The following C6 variants were observed in gnomAD, a reference collection of about 807,000 sequenced individuals.
The protein encoded by C6 is complement component C6.
A neutral mutation model predicts 112.9 loss-of-function variants in C6; 101 were observed. That is an observed-to-expected ratio of 0.89 (90% CI 0.76 to 1.06). C6 has a LOEUF of 1.06. Among genes scored for constraint, C6 ranks in the 50% least tolerant of loss-of-function variants. The pLI, the probability that C6 is intolerant of heterozygous loss-of-function variation, is 0.00. For missense variants in C6, 1,202 were observed against 1,104.6 expected, an observed-to-expected ratio of 1.09 and a Z score of -1.25; for synonymous variants, 431 against 384.1, an observed-to-expected ratio of 1.12 and a Z score of -1.43.
chr5:41,256,961 G>A (rs994211049), intron 1 of C6, among the ~76,000 whole-genome samples: 3 of 152,064 alleles, frequency 2.0e-5, no homozygotes, highest in Admixed American at 6.5e-5. Context: ...TTTGGATGAG[G>A]CTTTCATCTT....
In C6 at chr5:41,161,644, G is replaced by A. The variant is rs1170568050; in HGVS notation, c.1458+49C>T. On this transcript the variant is annotated intron_variant, in intron 10 of 17. Transcript: ENST00000337836. ...AATTGTGTGATGTGCAATTTGGGCT[G>A]CTAGAGAACTACTTTAGATCTCTTA... The A allele has an allele frequency of 3.4e-6, 5 of 1,465,416 alleles. No individual in the cohort carries two copies. The Admixed American group carries it at 6.7e-5, about 20-fold the overall frequency. The allele number at this position is 1,465,416 out of a possible 1,614,324, so 90.8% of individuals were successfully genotyped here.
At position 41,220,046 on chromosome 5, in the gene C6, G is replaced by A. The variant is rs1168156756; in HGVS notation, c.-20-16796C>T. On this transcript the variant is annotated intron_variant, in intron 1 of 17. Coordinates refer to the C6 transcript ENST00000263413. ...TTTTTTAAAATAATCAAACTCTGAT[G>A]AATAGTTGTATTTTTTATTAATGAT... 2.0e-5 allele frequency among the ~76,000 whole-genome samples: 3 copies of A among 152,136 alleles called. No homozygotes were observed. In the East Asian group the frequency reaches 5.8e-4, roughly 29 times the overall value.
intron 7 of C6, among the ~76,000 whole-genome samples, chr5:41,178,466 CTTTTTTTTTTTT>C (rs70988836): frequency 9.8e-6 from 1 of 101,594 alleles, no homozygotes; most frequent in Admixed American, 1.2e-4. Context: ...TTTTCTTTTT[CTTTTTTTTTTTT>C]TTTTTTTTGT....
At chr5:41,177,987 C>G (rs1180169014) in intron 7 of C6, among the ~76,000 whole-genome samples, 1 of 152,096 alleles carries the variant, frequency 6.6e-6, no homozygotes, top group Non-Finnish European at 1.5e-5. Flanking sequence ...TCTGAACTGC[C>G]CTTTCTGGAA....
intron 7 of C6, among the ~76,000 whole-genome samples, chr5:41,181,001 A>G (rs1180606904): frequency 1.3e-5 from 2 of 152,044 alleles, no homozygotes; most frequent in African/African-American, 4.8e-5. Flanking sequence ...ATATACATCT[A>G]TACAAATATG....
chr5:41,177,274 T>G (rs1748935435), intron 7 of C6, among the ~76,000 whole-genome samples: 1 of 152,160 alleles, frequency 6.6e-6, no homozygotes, highest in Admixed American at 6.5e-5. Flanking sequence ...GATTCTAAAT[T>G]ACTTAGTGGG....
chr5:41,192,217 T>A (rs79350017), intron 5 of C6, among the ~76,000 whole-genome samples: 9,432 of 152,262 alleles, frequency 0.062, 394 homozygotes, highest in African/African-American at 0.12. Flanking sequence ...TTTTGAACCA[T>A]CCTTGCATCT....
chr5:41,243,762 A>T (rs533275147), intron 1 of C6, among the ~76,000 whole-genome samples: 1 of 152,210 alleles, frequency 6.6e-6, no homozygotes, highest in Admixed American at 6.5e-5. Context: ...CTCTTAGCAT[A>T]TGTAAAAGGC....
chr5:41,225,109 C>A (rs748231104), intron 1 of C6, among the ~76,000 whole-genome samples: 101 of 152,282 alleles, frequency 6.6e-4, no homozygotes, highest in Non-Finnish European at 9.3e-4. Flanking sequence ...TACATGTGCA[C>A]AACGTGCAGG....
chr5:41,238,876 T>A (rs1320509728), intron 1 of C6, among the ~76,000 whole-genome samples: 1 of 151,880 alleles, frequency 6.6e-6, no homozygotes, highest in Non-Finnish European at 1.5e-5. Flanking sequence ...TATAATTAAT[T>A]TAAATTGGGT....
At chr5:41,234,692 G>T (rs975138873) in intron 1 of C6, among the ~76,000 whole-genome samples, 4 of 152,256 alleles carry the variant, frequency 2.6e-5, no homozygotes, top group Middle Eastern at 3.4e-3. Context: ...CCTCTGCCTT[G>T]AGATTGCTGT....
At chr5:41,229,251 T>C (rs1245103439) in intron 1 of C6, among the ~76,000 whole-genome samples, 3 of 152,100 alleles carry the variant, frequency 2.0e-5, no homozygotes, top group Admixed American at 1.3e-4. Context: ...CTTTTTCTTG[T>C]TTCTTGAGGT....
chr5:41,250,498 C>T (rs1741284462), intron 1 of C6, among the ~76,000 whole-genome samples: 1 of 152,184 alleles, frequency 6.6e-6, no homozygotes, highest in Non-Finnish European at 1.5e-5. Context: ...TCTTCTCTGT[C>T]CCATTCATGT....
At chr5:41,161,642 C>T (rs770016005) in intron 10 of C6, 51 bp downstream of exon 10, 1 of 1,428,828 alleles carries the variant, frequency 7.0e-7, no homozygotes, top group South Asian at 1.1e-5. Flanking sequence ...GCAATTTGGG[C>T]TGCTAGAGAA....
intron 1 of C6, among the ~76,000 whole-genome samples, chr5:41,254,374 C>G (rs1033573080): frequency 6.6e-6 from 1 of 152,044 alleles, no homozygotes; most frequent in African/African-American, 2.4e-5. Flanking sequence ...CCACTGTACT[C>G]CAGCCTGGGC....
chr5:41,219,376 A>G (rs1471593203), intron 1 of C6, among the ~76,000 whole-genome samples: 1 of 152,196 alleles, frequency 6.6e-6, no homozygotes, highest in East Asian at 1.9e-4. Flanking sequence ...TTCTGTGGTC[A>G]GATAAAGCTG....
chr5:41,179,010 C>T (rs892849952), intron 7 of C6, among the ~76,000 whole-genome samples: 4 of 152,070 alleles, frequency 2.6e-5, no homozygotes, highest in Non-Finnish European at 4.4e-5. Context: ...CACACTGCCA[C>T]GCCCGGCTAA....
chr5:41,173,075 C>T (rs1034669140), intron 8 of C6, among the ~76,000 whole-genome samples: 2 of 152,160 alleles, frequency 1.3e-5, no homozygotes, highest in African/African-American at 4.8e-5. Context: ...ACTGTTTCCA[C>T]TGTCATCTCC....
At chr5:41,234,953 C>T (rs1205094496) in intron 1 of C6, among the ~76,000 whole-genome samples, 2 of 151,352 alleles carry the variant, frequency 1.3e-5, no homozygotes. Context: ...GGAATCTTGG[C>T]TGAGATTTGT....
Sources: allele counts gnomAD v4.1 joint callset (sites outside exome capture counted in the v4.1 genomes callset), GRCh38; gene constraint gnomAD v4.1.1; transcripts MANE v1.5; gene names NCBI Gene and HGNC (gene_info 2026-07-23, HGNC 2026-07-21).